The following SLC35D2 variants were observed in gnomAD, a reference collection of about 807,000 sequenced individuals.
SLC35D2 encodes solute carrier family 35 member D2.
SLC35D2 carries 43 observed loss-of-function variants against 41.8 expected under a neutral mutation model. The ratio of observed to expected loss-of-function variants is 1.03; its 90% confidence interval spans 0.81 to 1.33. The LOEUF (loss-of-function observed/expected upper bound fraction) is 1.33. Among genes scored for constraint, SLC35D2 ranks in the 40% most tolerant of loss-of-function variants. SLC35D2 has a pLI of 0.00. For missense variants in SLC35D2, 380 were observed against 408.4 expected (o/e 0.93, Z 0.60); for synonymous variants, 150 against 163.9 (o/e 0.92, Z 0.65).
At chr9:96,344,509 T>TAAAA (rs35407925) in intron 7 of SLC35D2, among the ~76,000 whole-genome samples, 5 of 10,022 alleles carry the variant, frequency 5.0e-4, no homozygotes, top group African/African-American at 3.3e-3. Flanking sequence ...CTTCTACCGT[T>TAAAA]AAAAAAAAAA....
intron 4 of SLC35D2, among the ~76,000 whole-genome samples, chr9:96,353,918 G>T (rs989824985): frequency 6.6e-6 from 1 of 152,174 alleles, no homozygotes; most frequent in African/African-American, 2.4e-5. Flanking sequence ...AGCAGCACAG[G>T]AGGAGAGTGG....
At chr9:96,318,774 T>C (rs1014825315), downstream of SLC35D2, among the ~76,000 whole-genome samples, 3 of 152,136 alleles carry the variant, frequency 2.0e-5, no homozygotes, top group Non-Finnish European at 4.4e-5. Context: ...CTGGGCAACA[T>C]AGTGAGATCC....
At chr9:96,378,755 TA>T (rs918267762) in intron 1 of SLC35D2, among the ~76,000 whole-genome samples, 44 of 148,416 alleles carry the variant, frequency 3.0e-4, no homozygotes, top group South Asian at 1.3e-3. Context: ...AATTAAAAAT[TA>T]AAAAAAAAAA....
At chr9:96,352,327 T>C (rs1282185803) in intron 4 of SLC35D2, among the ~76,000 whole-genome samples, 2 of 152,178 alleles carry the variant, frequency 1.3e-5, no homozygotes, top group Admixed American at 6.5e-5. Flanking sequence ...TATTTATTTA[T>C]TTATTTTTTT....
At chr9:96,374,960 A>T (rs768917891) in intron 1 of SLC35D2, among the ~76,000 whole-genome samples, 10 of 151,026 alleles carry the variant, frequency 6.6e-5, no homozygotes, top group East Asian at 1.9e-4. Flanking sequence ...AATTTTTTTT[A>T]AATTTTACCC....
At chr9:96,364,341 A>T (rs557235962) in intron 3 of SLC35D2, 123 bp downstream of exon 3, 19 of 648,672 alleles carry the variant, frequency 2.9e-5, no homozygotes, top group South Asian at 2.4e-4. Context: ...TCTCAAACAA[A>T]AAAAGAAGTT....
intron 7 of SLC35D2, among the ~76,000 whole-genome samples, chr9:96,344,717 T>C (rs186433931): frequency 3.5e-5 from 1 of 28,718 alleles, no homozygotes; most frequent in African/African-American, 9.8e-5. Flanking sequence ...CAGCTGGGGG[T>C]GGGGGAGGGA....
chr9:96,327,783 G>A (rs990129775), intron 9 of SLC35D2, among the ~76,000 whole-genome samples: 2 of 151,654 alleles, frequency 1.3e-5, no homozygotes, highest in African/African-American at 2.4e-5. Context: ...CACTAAACTT[G>A]GCTAATTTTT....
intron 9 of SLC35D2, among the ~76,000 whole-genome samples, chr9:96,334,809 G>C (rs1016453123): frequency 1.3e-5 from 2 of 152,136 alleles, no homozygotes; most frequent in Non-Finnish European, 2.9e-5. Context: ...AGCTGTGTGT[G>C]ACACCTAAAG....
intron 10 of SLC35D2, among the ~76,000 whole-genome samples, chr9:96,323,822 A>G (rs938355391): frequency 3.3e-5 from 5 of 152,034 alleles, no homozygotes; most frequent in African/African-American, 1.2e-4. Flanking sequence ...GCTGCTCGGG[A>G]GGCTGAGGCA....
At position 96,321,012 on chromosome 9, in the gene SLC35D2, T is replaced by C. The variant is rs1340868486; in HGVS notation, c.*230A>G. On this transcript the variant is annotated 3_prime_UTR_variant, in exon 12 of 12. Coordinates refer to ENST00000253270, the MANE Select transcript of SLC35D2 (RefSeq NM_007001.3). Reference sequence around the variant, plus strand: ...GCTCCACCTACCGAGTCCCAGTGGCTTATTTTGAAAAGATTTGCTTTCCAC... The same window carrying C: ...GCTCCACCTACCGAGTCCCAGTGGCCTATTTTGAAAAGATTTGCTTTCCAC... 4.6e-6 allele frequency: 2 copies of C among 435,646 alleles called. No individual in the cohort carries two copies. The highest frequency in any genetic ancestry group is 4.3e-5 in the East Asian group (1 of 23,442). 27.0% of individuals were successfully genotyped at this position (435,646 alleles called of 1,614,324 possible).
intron 9 of SLC35D2, among the ~76,000 whole-genome samples, chr9:96,328,034 A>G (rs1828628890): frequency 6.6e-6 from 1 of 152,158 alleles, no homozygotes; most frequent in Non-Finnish European, 1.5e-5. Context: ...TATATGCAAA[A>G]AAAACTTGCA....
At chr9:96,356,382 CTTT>C (rs199569097) in intron 4 of SLC35D2, among the ~76,000 whole-genome samples, 7 of 101,428 alleles carry the variant, frequency 6.9e-5, no homozygotes, top group African/African-American at 1.8e-4. Flanking sequence ...TTTATTTATT[CTTT>C]TTTTTTTTTT....
intron 1 of SLC35D2, among the ~76,000 whole-genome samples, chr9:96,369,041 A>T (rs1487318233): frequency 1.3e-5 from 2 of 152,156 alleles, no homozygotes; most frequent in African/African-American, 2.4e-5. Context: ...CTAGGATTAT[A>T]GGCGGGAGCC....
intron 2 of SLC35D2, among the ~76,000 whole-genome samples, chr9:96,367,447 T>C (rs187879568): frequency 8.0e-4 from 121 of 152,080 alleles, no homozygotes; most frequent in African/African-American, 2.9e-3. Flanking sequence ...AAGCCACAAA[T>C]TAACATAAAT....
chr9:96,330,336 A>C (rs1374791395), intron 9 of SLC35D2, among the ~76,000 whole-genome samples: 2 of 152,198 alleles, frequency 1.3e-5, no homozygotes, highest in Non-Finnish European at 2.9e-5. Flanking sequence ...GACACCTAAA[A>C]TAAAGCTTCA....
chr9:96,367,673 T>C (rs1393605673), intron 2 of SLC35D2, among the ~76,000 whole-genome samples: 2 of 152,094 alleles, frequency 1.3e-5, no homozygotes, highest in African/African-American at 4.8e-5. Context: ...TCCTAGCTAC[T>C]TGGGAGGCTG....
intron 3 of SLC35D2, among the ~76,000 whole-genome samples, chr9:96,363,650 A>G (rs767363068): frequency 1.3e-5 from 2 of 152,204 alleles, no homozygotes; most frequent in African/African-American, 2.4e-5. Flanking sequence ...TGTATATCAA[A>G]TTGCATTCTT....
chr9:96,372,367 A>G (rs1440944799), intron 1 of SLC35D2, among the ~76,000 whole-genome samples: 4 of 152,134 alleles, frequency 2.6e-5, no homozygotes, highest in Admixed American at 1.3e-4. Flanking sequence ...TTTCTACATT[A>G]AAAGAAACTA....
Sources: allele counts gnomAD v4.1 joint callset (sites outside exome capture counted in the v4.1 genomes callset), GRCh38; gene constraint gnomAD v4.1.1; transcripts MANE v1.5; gene names NCBI Gene and HGNC (gene_info 2026-07-23, HGNC 2026-07-21).